BLTP1: variants seen among roughly 807,000 people sequenced by gnomAD.
The protein encoded by BLTP1 is bridge-like lipid transfer protein family member 1.
chr4:122,328,465 C>T, the BLTP1 span: 24 of 1,005,844 alleles, frequency 2.4e-5, no homozygotes, highest in Non-Finnish European at 3.4e-5. Flanking sequence ...TAATGTGCCT[C>T]GCTTGAGTGA....
At chr4:122,199,619 T>C in the BLTP1 span, among the ~76,000 whole-genome samples, 1 of 152,272 alleles carries the variant, frequency 6.6e-6, no homozygotes, top group South Asian at 2.1e-4. Flanking sequence ...CCTGTTGGCA[T>C]CTCTCTGTTG....
chr4:122,243,489 C>T, the BLTP1 span: 2 of 958,956 alleles, frequency 2.1e-6, no homozygotes, highest in African/African-American at 3.5e-5. Context: ...ACCTGTAATC[C>T]CAGCATTTTG....
chr4:122,326,624 G>C, the BLTP1 span, among the ~76,000 whole-genome samples: 10 of 151,538 alleles, frequency 6.6e-5, 1 homozygote, highest in South Asian at 2.1e-3. Context: ...CTGCTAACTA[G>C]ATGATTCTCA....
the BLTP1 span, chr4:122,186,337 T>A: frequency 1.7e-6 from 1 of 578,950 alleles, no homozygotes; most frequent in Non-Finnish European, 2.6e-6. Context: ...GCAAATTAAC[T>A]GAAACTTTTA....
At chr4:122,224,985 T>A in the BLTP1 span, 1 of 1,051,244 alleles carries the variant, frequency 9.5e-7, no homozygotes, top group Non-Finnish European at 1.2e-6. Flanking sequence ...AATATATTAT[T>A]AAAATTATAT....
At chr4:122,205,855 G>A in the BLTP1 span, 2 of 488,610 alleles carry the variant, frequency 4.1e-6, no homozygotes, top group Non-Finnish European at 5.3e-6. Context: ...GTTATGTACT[G>A]TGAGTATACA....
chr4:122,195,740 A>T, the BLTP1 span: 3 of 584,566 alleles, frequency 5.1e-6, no homozygotes, highest in Non-Finnish European at 6.5e-6. Flanking sequence ...TATGTGTCTT[A>T]AAACATTTGC....
At chr4:122,250,719 A>T in the BLTP1 span, 2 of 864,106 alleles carry the variant, frequency 2.3e-6, no homozygotes, top group Non-Finnish European at 3.5e-6. Flanking sequence ...ATGTTAGTCA[A>T]AGTGTGTTGG....
chr4:122,203,796 T>G, the BLTP1 span: 1 of 518,394 alleles, frequency 1.9e-6, no homozygotes, highest in Non-Finnish European at 2.5e-6. Flanking sequence ...AGAAAAAAAC[T>G]AACACGATTT....
At chr4:122,168,262 A>G in the BLTP1 span, among the ~76,000 whole-genome samples, 3 of 151,996 alleles carry the variant, frequency 2.0e-5, no homozygotes, top group Non-Finnish European at 4.4e-5. Context: ...ATTCTTTTTC[A>G]CTATGGTTTG....
the BLTP1 span, among the ~76,000 whole-genome samples, chr4:122,317,332 CA>C: frequency 0.046 from 6,088 of 131,540 alleles, 268 homozygotes; most frequent in African/African-American, 0.13. Context: ...ACTCCATCTC[CA>C]AAAAAAAAAA....
chr4:122,338,581 A>G, the BLTP1 span, among the ~76,000 whole-genome samples: 3 of 152,242 alleles, frequency 2.0e-5, no homozygotes, highest in East Asian at 5.8e-4. Context: ...ATCTAAATAC[A>G]GTCCCTCCGT....
chr4:122,232,911 G>A, the BLTP1 span, among the ~76,000 whole-genome samples: 1 of 152,140 alleles, frequency 6.6e-6, no homozygotes, highest in South Asian at 2.1e-4. Flanking sequence ...TGACCTTCAG[G>A]TTTGGCTGCC....
the BLTP1 span, chr4:122,171,957 T>G: frequency 1.0e-6 from 1 of 982,920 alleles, no homozygotes; most frequent in Non-Finnish European, 1.2e-6. Flanking sequence ...GTTGCCATTC[T>G]GAAGGACTCA....
chr4:122,192,512 A>C, the BLTP1 span: 3 of 643,052 alleles, frequency 4.7e-6, no homozygotes, highest in Non-Finnish European at 7.5e-6. Context: ...AAACATTTTG[A>C]TCCAAAGAAA....
At chr4:122,167,818 T>C in the BLTP1 span, 1 of 985,300 alleles carries the variant, frequency 1.0e-6, no homozygotes, top group African/African-American at 1.7e-5. Context: ...TTTACTCTGC[T>C]TCACCTTGCA....
At chr4:122,200,867 A>T in the BLTP1 span, 1 of 1,270,402 alleles carries the variant, frequency 7.9e-7, no homozygotes, top group East Asian at 2.7e-5. Flanking sequence ...CAGCAATATT[A>T]AAGTCTCAAA....
chr4:122,211,130 A>G, the BLTP1 span: 5 of 1,538,600 alleles, frequency 3.2e-6, no homozygotes, highest in Non-Finnish European at 4.4e-6. Context: ...ATACTTTTAA[A>G]TATAGACAAA....
the BLTP1 span, among the ~76,000 whole-genome samples, chr4:122,165,791 T>A: frequency 7.0e-6 from 1 of 142,150 alleles, no homozygotes; most frequent in Non-Finnish European, 1.6e-5. Flanking sequence ...GGTATCTCAT[T>A]GTGGTTTTGA....
Sources: gnomAD v4.1 joint callset for allele counts (sites outside exome capture counted in the v4.1 genomes callset) on GRCh38, gnomAD v4.1.1 for gene constraint, MANE v1.5 for transcripts, NCBI Gene and HGNC (gene_info 2026-07-23, HGNC 2026-07-21) for gene names.